The following DNAAF11 variants were observed in gnomAD, a reference collection of about 807,000 sequenced individuals.
DNAAF11 encodes dynein axonemal assembly factor 11.
Under a neutral mutation model 60.8 loss-of-function variants are expected in DNAAF11, and 45 were observed. The observed-to-expected ratio is 0.74, with a 90% CI of 0.58 to 0.95. The LOEUF is 0.95. Among genes scored for constraint, DNAAF11 ranks in the 40% least tolerant of loss-of-function variants. The pLI, the probability that DNAAF11 is intolerant of heterozygous loss-of-function variation, is 0.00. For missense variants in DNAAF11, 546 were observed against 546.2 expected (o/e 1.00, Z 0.00); for synonymous variants, 191 against 183.5 (o/e 1.04, Z -0.33).
intron 7 of DNAAF11, among the ~76,000 whole-genome samples, chr8:132,615,483 C>T (rs1819049682): frequency 6.6e-6 from 1 of 152,154 alleles, no homozygotes; most frequent in Admixed American, 6.5e-5. Flanking sequence ...TCCCCTTTAT[C>T]CTGCATTCTA....
In DNAAF11 at chr8:132,632,766, A is replaced by G. The variant is rs1407335982; in HGVS notation, c.627T>C (p.Arg209=). 1 of 1,613,210 alleles carries G rather than the reference A, an allele frequency of 6.2e-7. No homozygotes were observed. The highest frequency in any genetic ancestry group is 1.3e-5 in the African/African-American group (1 of 74,914). ...GAGTAGCATTGATGTCTGTGTACCAACGTCCATCAAAGCCTGCGTTACTTC... is the reference window on the plus strand; with the variant it reads ...GAGTAGCATTGATGTCTGTGTACCAGCGTCCATCAAAGCCTGCGTTACTTC... ...DKRSNAGFDG[R]WYTDINATLS... The change falls in exon 5 of 12, where the codon CGT becomes CGC. Residue 209 remains arginine, a synonymous_variant. Coordinates refer to ENST00000620350, the MANE Select transcript of DNAAF11 (RefSeq NM_012472.6).
chr8:132,649,024 T>G (rs1822711114), intron 3 of DNAAF11, among the ~76,000 whole-genome samples: 1 of 151,614 alleles, frequency 6.6e-6, no homozygotes, highest in East Asian at 1.9e-4. Flanking sequence ...TTTATGGAAC[T>G]TTTTTATGGA....
chr8:132,663,987 G>A (rs1212275286), intron 1 of DNAAF11, among the ~76,000 whole-genome samples: 1 of 152,234 alleles, frequency 6.6e-6, no homozygotes, highest in Non-Finnish European at 1.5e-5. Flanking sequence ...GTGGGCCAGA[G>A]GGCAAGATTT....
At chr8:132,613,440 T>A (rs904600327) in intron 8 of DNAAF11, among the ~76,000 whole-genome samples, 8 of 152,190 alleles carry the variant, frequency 5.3e-5, no homozygotes, top group African/African-American at 1.4e-4. Flanking sequence ...AAAGGCCACA[T>A]GTTGTATGAT....
intron 5 of DNAAF11, among the ~76,000 whole-genome samples, chr8:132,626,786 A>G (rs772563455): frequency 6.6e-6 from 1 of 152,246 alleles, no homozygotes; most frequent in Non-Finnish European, 1.5e-5. Context: ...TACAGCAAAT[A>G]GTAGGTACTC....
the DNAAF11 span, among the ~76,000 whole-genome samples, chr8:132,692,506 T>C: frequency 1.3e-5 from 2 of 152,166 alleles, no homozygotes; most frequent in Admixed American, 6.5e-5. Context: ...TCTTAAATTG[T>C]TAGCACTGAG....
At chr8:132,590,114 A>G (rs949771365) in intron 10 of DNAAF11, among the ~76,000 whole-genome samples, 1 of 152,212 alleles carries the variant, frequency 6.6e-6, no homozygotes, top group Non-Finnish European at 1.5e-5. Flanking sequence ...ACAGGAAGAT[A>G]GAACCCTGCT....
At chr8:132,694,518 G>C in the DNAAF11 span, among the ~76,000 whole-genome samples, 1 of 152,196 alleles carries the variant, frequency 6.6e-6, no homozygotes, top group Non-Finnish European at 1.5e-5. Flanking sequence ...AGAAAATACA[G>C]CTTTGTTGTT....
chr8:132,633,098 A>G (rs968592056), intron 4 of DNAAF11, 135 bp from the exon 5 acceptor site: 6 of 594,802 alleles, frequency 1.0e-5, no homozygotes, highest in East Asian at 8.4e-5. Flanking sequence ...AATGGGAAAT[A>G]TCAGAACATT....
intron 8 of DNAAF11, among the ~76,000 whole-genome samples, chr8:132,613,504 T>C (rs1818860673): frequency 6.6e-6 from 1 of 152,066 alleles, no homozygotes; most frequent in African/African-American, 2.4e-5. Context: ...AGAAAACAGA[T>C]TAGTGGTTGC....
At chr8:132,671,802 T>C (rs538519885) in intron 1 of DNAAF11, among the ~76,000 whole-genome samples, 6 of 151,562 alleles carry the variant, frequency 4.0e-5, no homozygotes, top group African/African-American at 1.5e-4. Flanking sequence ...ACTACTGGAT[T>C]TCCATATTAA....
chr8:132,628,619 C>G (rs1820512417), intron 5 of DNAAF11, among the ~76,000 whole-genome samples: 1 of 152,118 alleles, frequency 6.6e-6, no homozygotes, highest in Non-Finnish European at 1.5e-5. Flanking sequence ...AGTGTTTCTT[C>G]TTGAAGCCTT....
chr8:132,675,829 GTGCCTTCCAGGCT>G (rs1157191075), upstream of DNAAF11, among the ~76,000 whole-genome samples: 2 of 152,206 alleles, frequency 1.3e-5, no homozygotes, highest in East Asian at 1.9e-4. Context: ...TCTCTTTTCT[GTGCCTTCCAGGCT>G]TGCCTTCCAG....
intron 5 of DNAAF11, among the ~76,000 whole-genome samples, chr8:132,629,222 A>C (rs1202057030): frequency 6.6e-6 from 1 of 152,208 alleles, no homozygotes; most frequent in African/African-American, 2.4e-5. Context: ...CTGAGAATAG[A>C]AGGAAGCTTA....
Position 132,625,283 on chromosome 8 carries a change from C to T in DNAAF11, c.825G>A (p.Gln275=). ...LRHMEKQRKK[Q]EKLSEKKKKV... ...AAAGAATGAAATACCTTAATTTTTCCTGTTTCTTCCGTTGTTTTTCCATGT... is the reference window on the plus strand; with the variant it reads ...AAAGAATGAAATACCTTAATTTTTCTTGTTTCTTCCGTTGTTTTTCCATGT... The change falls in exon 6 of 12, where the codon CAG becomes CAA. Residue 275 remains glutamine, a synonymous_variant. Coordinates refer to ENST00000620350, the MANE Select transcript of DNAAF11 (RefSeq NM_012472.6). The T allele has an allele frequency of 6.3e-7, 1 of 1,598,792 alleles. No individual in the cohort carries two copies. The highest frequency in any genetic ancestry group is 8.5e-7 in the Non-Finnish European group (1 of 1,173,776).
intron 3 of DNAAF11, among the ~76,000 whole-genome samples, chr8:132,643,071 T>C (rs1035101640): frequency 3.3e-5 from 5 of 152,168 alleles, no homozygotes; most frequent in Admixed American, 6.5e-5. Context: ...TCCGCTCCTA[T>C]GAGGATCTAA....
At chr8:132,609,462 T>C (rs1818438329) in intron 10 of DNAAF11, among the ~76,000 whole-genome samples, 1 of 152,152 alleles carries the variant, frequency 6.6e-6, no homozygotes. Flanking sequence ...AGGCTGATAG[T>C]ACTACCATCT....
At chr8:132,699,759 G>C in the DNAAF11 span, among the ~76,000 whole-genome samples, 1 of 152,080 alleles carries the variant, frequency 6.6e-6, no homozygotes, top group African/African-American at 2.4e-5. Context: ...CTATTATTCA[G>C]CCATGGAAAG....
chr8:132,697,736 AT>A, the DNAAF11 span, among the ~76,000 whole-genome samples: 1 of 152,172 alleles, frequency 6.6e-6, no homozygotes, highest in African/African-American at 2.4e-5. Flanking sequence ...TACTAGAGAG[AT>A]TGACAATGAG....
Sources: allele counts gnomAD v4.1 joint callset (sites outside exome capture counted in the v4.1 genomes callset), GRCh38; gene constraint gnomAD v4.1.1; transcripts MANE v1.5; gene names NCBI Gene and HGNC (gene_info 2026-07-23, HGNC 2026-07-21).